Variants in GALNTL6 observed in about 807,000 individuals in gnomAD.
GALNTL6 encodes the protein polypeptide N-acetylgalactosaminyltransferase-like 6.
Under a neutral mutation model 73.7 loss-of-function variants are expected in GALNTL6, and 46 were observed. The ratio of observed to expected loss-of-function variants is 0.62; its 90% confidence interval spans 0.49 to 0.80. GALNTL6 has a LOEUF of 0.80. Ranked by LOEUF, GALNTL6 falls within the 30% of genes least tolerant of loss-of-function variation. The pLI, the probability that GALNTL6 is intolerant of heterozygous loss-of-function variation, is 0.00. For missense variants in GALNTL6, 604 were observed against 755.0 expected (o/e 0.80, Z 2.34); for synonymous variants, 259 against 263.7 (o/e 0.98, Z 0.17).
At chr4:172,184,172 AT>A (rs1237391839) in intron 2 of GALNTL6, among the ~76,000 whole-genome samples, 1 of 152,178 alleles carries the variant, frequency 6.6e-6, no homozygotes, top group Non-Finnish European at 1.5e-5. Context: ...AAGGGCTGAT[AT>A]GTTTTCTGAC....
intron 5 of GALNTL6, among the ~76,000 whole-genome samples, chr4:172,639,356 T>C (rs1739853806): frequency 6.6e-6 from 1 of 151,980 alleles, no homozygotes; most frequent in Admixed American, 6.6e-5. Flanking sequence ...ATGTGTAGCT[T>C]AAATTCAATT....
intron 12 of GALNTL6, among the ~76,000 whole-genome samples, chr4:173,026,194 C>A (rs1161165101): frequency 6.6e-6 from 1 of 152,090 alleles, no homozygotes; most frequent in African/African-American, 2.4e-5. Flanking sequence ...CCCAAAAATT[C>A]TTGACAGGGA....
intron 5 of GALNTL6, among the ~76,000 whole-genome samples, chr4:172,622,577 A>G (rs1244500967): frequency 6.6e-6 from 1 of 152,180 alleles, no homozygotes; most frequent in African/African-American, 2.4e-5. Flanking sequence ...GTTCTCAGCA[A>G]TTTCACCTTC....
chr4:172,009,325 C>T (rs1405807129), intron 2 of GALNTL6, among the ~76,000 whole-genome samples: 2 of 152,000 alleles, frequency 1.3e-5, no homozygotes, highest in African/African-American at 4.8e-5. Flanking sequence ...ATAGTTTAAA[C>T]AGCGTGTGGG....
chr4:172,466,487 C>T (rs1337651975), intron 5 of GALNTL6, among the ~76,000 whole-genome samples: 2 of 152,098 alleles, frequency 1.3e-5, no homozygotes, highest in Non-Finnish European at 2.9e-5. Context: ...ACAAGTACAG[C>T]GCACTCTTAA....
chr4:171,897,661 C>CT (rs954864356), intron 2 of GALNTL6, among the ~76,000 whole-genome samples: 94 of 151,616 alleles, frequency 6.2e-4, no homozygotes, highest in African/African-American at 2.2e-3. Context: ...TTTCTTTTTT[C>CT]TTTTTTCGAG....
At chr4:172,039,538 G>A (rs967355907) in intron 2 of GALNTL6, among the ~76,000 whole-genome samples, 1 of 152,022 alleles carries the variant, frequency 6.6e-6, no homozygotes, top group African/African-American at 2.4e-5. Flanking sequence ...CTCTAGTAGG[G>A]GACAGTCAGG....
chr4:172,196,247 G>A (rs531181132), intron 2 of GALNTL6, among the ~76,000 whole-genome samples: 4 of 152,148 alleles, frequency 2.6e-5, no homozygotes, highest in Admixed American at 6.5e-5. Flanking sequence ...ACTGAAATAC[G>A]AAGAAGGTGA....
chr4:172,153,882 C>T (rs1236816029), intron 2 of GALNTL6, among the ~76,000 whole-genome samples: 1 of 152,186 alleles, frequency 6.6e-6, no homozygotes, highest in East Asian at 1.9e-4. Context: ...CAATACTCTG[C>T]CACCAGGCCT....
chr4:172,712,942 C>A (rs1734802414), intron 5 of GALNTL6, among the ~76,000 whole-genome samples: 2 of 152,016 alleles, frequency 1.3e-5, no homozygotes, highest in Admixed American at 6.6e-5. Context: ...GATTATATAA[C>A]CTCTGGCTTA....
chr4:172,547,068 T>C (rs1476716656), intron 5 of GALNTL6, among the ~76,000 whole-genome samples: 2 of 151,750 alleles, frequency 1.3e-5, no homozygotes, highest in Non-Finnish European at 2.9e-5. Flanking sequence ...CTACTCTACT[T>C]ATCAACAAAA....
At chr4:172,879,351 T>C (rs2111184143) in intron 7 of GALNTL6, among the ~76,000 whole-genome samples, 1 of 151,940 alleles carries the variant, frequency 6.6e-6, no homozygotes, top group African/African-American at 2.4e-5. Context: ...CATGGAACAT[T>C]TACCAAGATA....
chr4:172,198,579 G>A lies in GALNTL6; in HGVS notation c.139-31077G>A, dbSNP rs1275063556. Among the ~76,000 whole-genome samples, 4 of 152,212 alleles carry A rather than the reference G, an allele frequency of 2.6e-5. No homozygotes were observed. The East Asian group carries it at 5.8e-4, about 22-fold the overall frequency. On this transcript the variant is annotated intron_variant, in intron 2 of 12. Coordinates refer to ENST00000506823, the MANE Select transcript of GALNTL6 (RefSeq NM_001034845.3). ...TGAGATACCACCAGTGGTTTCCAGTGCCCTCACAAAAAGGTCAAACAACCT... is the reference window on the plus strand; with the variant it reads ...TGAGATACCACCAGTGGTTTCCAGTACCCTCACAAAAAGGTCAAACAACCT...
At chr4:172,406,968 A>AG (rs1744261588) in intron 5 of GALNTL6, among the ~76,000 whole-genome samples, 1 of 152,018 alleles carries the variant, frequency 6.6e-6, no homozygotes, top group Non-Finnish European at 1.5e-5. Context: ...AAATGATTAC[A>AG]GAAATCATCT....
At chr4:171,940,376 C>T (rs546736973) in intron 2 of GALNTL6, among the ~76,000 whole-genome samples, 2 of 151,862 alleles carry the variant, frequency 1.3e-5, no homozygotes, top group African/African-American at 4.8e-5. Context: ...ATCTTTGGAG[C>T]TCACATTACC....
chr4:172,036,406 T>C (rs1311861016), intron 2 of GALNTL6, among the ~76,000 whole-genome samples: 1 of 152,268 alleles, frequency 6.6e-6, no homozygotes, highest in East Asian at 1.9e-4. Context: ...GAATAAATTA[T>C]ATAAATCACA....
At chr4:171,906,136 C>A (rs1737267780) in intron 2 of GALNTL6, among the ~76,000 whole-genome samples, 1 of 151,636 alleles carries the variant, frequency 6.6e-6, no homozygotes, top group African/African-American at 2.4e-5. Flanking sequence ...CAAGAAATAA[C>A]TAAAATCAGA....
At chr4:172,759,628 G>T (rs1737949664) in intron 5 of GALNTL6, among the ~76,000 whole-genome samples, 1 of 152,112 alleles carries the variant, frequency 6.6e-6, no homozygotes, top group Non-Finnish European at 1.5e-5. Flanking sequence ...TCCTCACTCC[G>T]CCATCTCTTC....
chr4:172,530,913 T>A (rs1735147039), intron 5 of GALNTL6, among the ~76,000 whole-genome samples: 1 of 152,188 alleles, frequency 6.6e-6, no homozygotes, highest in South Asian at 2.1e-4. Flanking sequence ...TCACAGACAG[T>A]CTAGACGTCT....
Sources: allele counts gnomAD v4.1 joint callset (sites outside exome capture counted in the v4.1 genomes callset), GRCh38; gene constraint gnomAD v4.1.1; transcripts MANE v1.5; gene names NCBI Gene and HGNC (gene_info 2026-07-23, HGNC 2026-07-21).